Variants in OXCT1 observed in about 807,000 individuals in gnomAD.
OXCT1 encodes succinyl-CoA:3-ketoacid coenzyme A transferase 1, mitochondrial.
A neutral mutation model predicts 69.6 loss-of-function variants in OXCT1; 27 were observed. The observed-to-expected ratio is 0.39, with a 90% CI of 0.29 to 0.54. The LOEUF is 0.54. OXCT1 is among the 20% of genes least tolerant of loss of function. The pLI, the probability that OXCT1 is intolerant of heterozygous loss-of-function variation, is 0.72. For missense variants in OXCT1, 437 were observed against 650.2 expected (o/e 0.67, Z 3.57); for synonymous variants, 202 against 217.8 (o/e 0.93, Z 0.64).
chr5:41,803,020 T>C (rs1415242183), intron 10 of OXCT1, 49 bp downstream of exon 10: 1 of 1,274,192 alleles, frequency 7.8e-7, no homozygotes, highest in Admixed American at 1.7e-5. Flanking sequence ...ACATGAAATA[T>C]CTCATTCTTC....
chr5:41,800,396 A>G (rs147074985), intron 11 of OXCT1, among the ~76,000 whole-genome samples: 322 of 151,976 alleles, frequency 2.1e-3, no homozygotes, highest in Non-Finnish European at 3.7e-3. Flanking sequence ...TTTTGCTGCT[A>G]TGGATTCACT....
chr5:41,762,239 T>C lies in OXCT1; in HGVS notation c.1249-39A>G. On this transcript the variant is annotated intron_variant, in intron 13 of 16. Coordinates refer to ENST00000196371, the MANE Select transcript of OXCT1 (RefSeq NM_000436.4). This position sits in a 1 kb window ranked among gnomAD's most constrained non-coding sequence, Gnocchi z 4.0. ...AATAAATAGCTCTGTATCTTTCACT[T>C]CTTTTGTATGTGACAGAACAAAATT... The C allele has an allele frequency of 6.9e-7, 1 of 1,455,720 alleles. No homozygotes were observed. The highest frequency in any genetic ancestry group is 9.7e-7 in the Non-Finnish European group (1 of 1,035,556). The allele number at this position is 1,455,720 out of a possible 1,614,324, so 90.2% of individuals were successfully genotyped here.
chr5:41,846,317 T>C (rs1197838006), intron 5 of OXCT1, among the ~76,000 whole-genome samples: 4 of 131,046 alleles, frequency 3.1e-5, no homozygotes, highest in African/African-American at 1.2e-4. Flanking sequence ...GAGTGTGATG[T>C]TCCCCTTCCT....
chr5:41,821,597 A>C (rs548773160), intron 7 of OXCT1, among the ~76,000 whole-genome samples: 1 of 152,314 alleles, frequency 6.6e-6, no homozygotes, highest in East Asian at 1.9e-4. Context: ...GTGATTTTAC[A>C]TCCTCGTCAG....
rs557682420 is a variant in OXCT1, at chr5:41,780,579, A to G, written c.1248+13424T>C. ...ATATTTTCAGATAAGAGAATTGTGT[A>G]GAGTGTCTAAGAATTTTTTTAAAAT... On this transcript the variant is annotated intron_variant, in intron 13 of 16. Transcript: ENST00000196371. Among the ~76,000 whole-genome samples the G allele has an allele frequency of 5.2e-4, 79 of 152,336 alleles. No individual in the cohort carries two copies. In the Middle Eastern group the frequency reaches 0.01, roughly 20 times the overall value.
intron 15 of OXCT1, among the ~76,000 whole-genome samples, chr5:41,743,145 T>C (rs1004092094): frequency 3.3e-5 from 5 of 152,196 alleles, no homozygotes; most frequent in Admixed American, 2.0e-4. Context: ...CACCTGTTGT[T>C]TCCTGACTTT....
intron 4 of OXCT1, among the ~76,000 whole-genome samples, chr5:41,852,140 T>C (rs1287750345): frequency 2.0e-5 from 3 of 152,238 alleles, no homozygotes; most frequent in Non-Finnish European, 2.9e-5. Flanking sequence ...TTCTGTTGTT[T>C]AAGCCACCAG....
chr5:41,848,838 A>G (rs1379863472), intron 5 of OXCT1, among the ~76,000 whole-genome samples: 1 of 152,196 alleles, frequency 6.6e-6, no homozygotes, highest in Non-Finnish European at 1.5e-5. Flanking sequence ...ACTCTAGAAG[A>G]AAACCTAGGC....
intron 15 of OXCT1, among the ~76,000 whole-genome samples, chr5:41,747,648 A>G (rs896389628): frequency 6.6e-6 from 1 of 152,078 alleles, no homozygotes; most frequent in South Asian, 2.1e-4. Context: ...TTCCAGACAG[A>G]GAAGGAGGAT....
chr5:41,760,671 C>T (rs912528355), intron 14 of OXCT1, among the ~76,000 whole-genome samples: 1 of 152,098 alleles, frequency 6.6e-6, no homozygotes, highest in Non-Finnish European at 1.5e-5. Context: ...TCCAAATAGA[C>T]ATTATTTTCC....
intron 5 of OXCT1, 107 bp downstream of exon 5, chr5:41,849,923 C>T (rs1749098025): frequency 1.5e-5 from 17 of 1,146,286 alleles, no homozygotes; most frequent in South Asian, 5.0e-5. Context: ...TGAATGAGTG[C>T]TTTTTCTCAC....
intron 13 of OXCT1, among the ~76,000 whole-genome samples, chr5:41,785,736 C>G (rs528686258): frequency 2.0e-5 from 3 of 152,278 alleles, no homozygotes; most frequent in African/African-American, 7.2e-5. Flanking sequence ...CATCCCAAGG[C>G]TCTTGGGACC....
intron 7 of OXCT1, among the ~76,000 whole-genome samples, chr5:41,828,808 A>T (rs1747946197): frequency 6.6e-6 from 1 of 152,246 alleles, no homozygotes; most frequent in African/African-American, 2.4e-5. Flanking sequence ...AATAGAAGTT[A>T]TGCTGTAAAT....
intron 1 of OXCT1, among the ~76,000 whole-genome samples, chr5:41,866,591 T>C (rs1358722266): frequency 4.6e-5 from 7 of 152,220 alleles, no homozygotes; most frequent in Non-Finnish European, 5.9e-5. Flanking sequence ...TAGTGATGTG[T>C]GTGAAAATAC....
intron 7 of OXCT1, among the ~76,000 whole-genome samples, chr5:41,823,047 T>A (rs1747636804): frequency 6.6e-6 from 1 of 152,228 alleles, no homozygotes; most frequent in South Asian, 2.1e-4. Context: ...TTAATCTTTT[T>A]CATACAATTC....
intron 13 of OXCT1, among the ~76,000 whole-genome samples, chr5:41,787,634 C>CAAAAAAAAAA (rs765691863): frequency 8.6e-5 from 3 of 34,732 alleles, no homozygotes; most frequent in Non-Finnish European, 9.0e-5. Flanking sequence ...AAGCATTAGG[C>CAAAAAAAAAA]AAAAAAAAAA....
At chr5:41,807,180 C>G in intron 8 of OXCT1, 151 bp downstream of exon 8, 1 of 663,212 alleles carries the variant, frequency 1.5e-6, no homozygotes. Context: ...CATCATATCC[C>G]CATGATGATA....
At chr5:41,840,218 A>G (rs1050073087) in intron 7 of OXCT1, among the ~76,000 whole-genome samples, 12 of 152,328 alleles carry the variant, frequency 7.9e-5, no homozygotes, top group African/African-American at 2.9e-4. Context: ...AGCTGGTCCC[A>G]TTGCTTGATT....
At chr5:41,788,429 A>G (rs192168169) in intron 13 of OXCT1, among the ~76,000 whole-genome samples, 16 of 152,326 alleles carry the variant, frequency 1.1e-4, no homozygotes, top group Non-Finnish European at 1.9e-4. Flanking sequence ...TTATAAGATA[A>G]CAATCTAACT....
Sources: gnomAD v4.1 joint callset for allele counts (sites outside exome capture counted in the v4.1 genomes callset) on GRCh38, gnomAD v4.1.1 for gene constraint, Gnocchi (gnomAD v3.1) non-coding constraint, MANE v1.5 for transcripts, NCBI Gene and HGNC (gene_info 2026-07-23, HGNC 2026-07-21) for gene names.